The following UGT8 variants were observed in gnomAD, a reference collection of about 807,000 sequenced individuals.
The protein encoded by UGT8 is UDP glycosyltransferase 8.
UGT8 carries 12 observed loss-of-function variants against 40.5 expected under a neutral mutation model. The observed-to-expected ratio is 0.30, with a 90% CI of 0.19 to 0.48. UGT8 has a LOEUF of 0.48. Ranked by LOEUF, UGT8 falls within the 20% of genes least tolerant of loss-of-function variation. UGT8 has a pLI of 0.99. For missense variants in UGT8, 513 were observed against 648.7 expected (o/e 0.79, Z 2.27); for synonymous variants, 224 against 240.4 (o/e 0.93, Z 0.63).
chr4:114,672,129 C>T (rs1735329077), intron 5 of UGT8, among the ~76,000 whole-genome samples: 1 of 152,222 alleles, frequency 6.6e-6, no homozygotes, highest in Non-Finnish European at 1.5e-5. Flanking sequence ...GATATCATCT[C>T]ATGCCAGTCA....
In UGT8 at chr4:114,676,140, CTTGGGTGACAAAA is replaced by C; in HGVS notation, c.1481_1493del (p.Trp494LeufsTer43). ...GCTGCCTTGTTATACTTTCTCTTGTCTTGGGTGACAAAATTTATCTACAGAAAAATCAAAAGTC... is the reference window on the plus strand; with the variant it reads ...GCTGCCTTGTTATACTTTCTCTTGTCTTTATCTACAGAAAAATCAAAAGTC... On this transcript the variant is annotated frameshift_variant, in exon 6 of 6. Transcript: ENST00000310836. LOFTEE classifies it high-confidence loss of function. 1.9e-6 allele frequency: 3 copies of C among 1,614,084 alleles called. No homozygotes were observed. Among genetic ancestry groups the C allele is most frequent in the Non-Finnish European group, 2.5e-6 (3 of 1,180,028 alleles).
intron 2 of UGT8, among the ~76,000 whole-genome samples, chr4:114,642,323 T>G (rs1345480984): frequency 6.6e-6 from 1 of 152,116 alleles, no homozygotes; most frequent in East Asian, 1.9e-4. Flanking sequence ...GCAGTTTAAA[T>G]GGGATAATAA....
intron 2 of UGT8, among the ~76,000 whole-genome samples, chr4:114,641,783 G>A (rs951803836): frequency 4.6e-5 from 7 of 152,182 alleles, no homozygotes; most frequent in African/African-American, 1.7e-4. Context: ...AAACAAACTT[G>A]AATAAATTAT....
intron 1 of UGT8, among the ~76,000 whole-genome samples, chr4:114,611,403 C>CATATATATATAT (rs60533468): frequency 9.4e-5 from 10 of 106,240 alleles, no homozygotes; most frequent in Non-Finnish European, 1.2e-4. Flanking sequence ...CATATATATC[C>CATATATATATAT]ATATATATAT....
chr4:114,615,458 C>T (rs995561313), intron 1 of UGT8, among the ~76,000 whole-genome samples: 2 of 152,078 alleles, frequency 1.3e-5, no homozygotes, highest in African/African-American at 2.4e-5. Context: ...AAACTTCCCC[C>T]CTCCCCACCC....
Position 114,616,296 on chromosome 4 carries a change from G to C in UGT8, c.-2-6583G>C, listed in dbSNP as rs999420821. Among the ~76,000 whole-genome samples, 7 of 152,352 alleles carry C rather than the reference G, an allele frequency of 4.6e-5. No individual in the cohort carries two copies. In the East Asian group the frequency reaches 1.3e-3, roughly 29 times the overall value. On this transcript the variant is annotated intron_variant, in intron 1 of 5. Transcript: ENST00000310836. The stretch of plus-strand genomic sequence containing the variant: ...TTGTTTACCTACTCAAGCCTCGGCA[G>C]TGGCGGGCGCCCCTCCCCTAGCCTC...
intron 2 of UGT8, chr4:114,663,664 T>C (rs1188763276): frequency 1.0e-6 from 1 of 984,172 alleles, no homozygotes; most frequent in East Asian, 1.1e-4. Flanking sequence ...TGTTTGTGTC[T>C]GCATACAAAT....
At chr4:114,664,165 T>C in intron 3 of UGT8, 28 bp downstream of exon 3, 1 of 1,609,798 alleles carries the variant, frequency 6.2e-7, no homozygotes, top group Non-Finnish European at 8.5e-7. Context: ...ATTGTTTCTT[T>C]GCTATTGACA....
chr4:114,641,519 C>T lies in UGT8; in HGVS notation c.822+17817C>T, dbSNP rs535968139. ...ACGTTAGTTTTTTAAAAAACTGTGG[C>T]GTCTGTAAACCCTAATGGATGCTGG... On this transcript the variant is annotated intron_variant, in intron 2 of 5. Coordinates refer to ENST00000310836, the MANE Select transcript of UGT8 (RefSeq NM_001128174.3). 3.9e-5 allele frequency among the ~76,000 whole-genome samples: 6 copies of T among 152,196 alleles called. No individual in the cohort carries two copies. In the East Asian group the frequency reaches 7.7e-4, roughly 20 times the overall value.
chr4:114,671,933 G>A (rs1735313738), intron 5 of UGT8, among the ~76,000 whole-genome samples: 2 of 152,104 alleles, frequency 1.3e-5, no homozygotes, highest in South Asian at 4.1e-4. Context: ...ATCTGACAAA[G>A]GTCTAATATC....
intron 5 of UGT8, among the ~76,000 whole-genome samples, chr4:114,673,088 C>T (rs1280209782): frequency 6.6e-6 from 1 of 152,062 alleles, no homozygotes; most frequent in Admixed American, 6.5e-5. Context: ...CATGTGAGCC[C>T]CTTACAAGGT....
intron 2 of UGT8, among the ~76,000 whole-genome samples, chr4:114,663,518 GTAAGGATGGTAT>G (rs2126132091): frequency 6.6e-6 from 1 of 152,068 alleles, no homozygotes; most frequent in South Asian, 2.1e-4. Flanking sequence ...ACAAAATGAA[GTAAGGATGGTAT>G]TTCTTAAAAT....
rs367735324 is a variant in UGT8 at position 114,670,183 on chromosome 4, C to T, written c.1262+1879C>T. On this transcript the variant is annotated intron_variant, in intron 5 of 5. Coordinates refer to ENST00000310836, the MANE Select transcript of UGT8 (RefSeq NM_001128174.3). ...AATCTTCAATAAAATACTGGCAAACCGAATCCAGCAGCATGAGGCGGGTGG... is the reference window on the plus strand; with the variant it reads ...AATCTTCAATAAAATACTGGCAAACTGAATCCAGCAGCATGAGGCGGGTGG... Among the ~76,000 whole-genome samples the T allele has an allele frequency of 3.9e-4, 59 of 151,928 alleles. 1 individual carries two copies. In the South Asian group the frequency reaches 0.01, roughly 27 times the overall value.
In UGT8 at chr4:114,598,947, A is replaced by G. The variant is rs7442067; in HGVS notation, c.-30A>G. Reference sequence around the variant, plus strand: ...CAATTACGCGGCAGACACACACTCAAACTCGCGCGGGGCAGCCAAGAGACG... The same window carrying G: ...CAATTACGCGGCAGACACACACTCAGACTCGCGCGGGGCAGCCAAGAGACG... On this transcript the variant is annotated 5_prime_UTR_variant, in exon 1 of 6. Coordinates refer to ENST00000310836, the MANE Select transcript of UGT8 (RefSeq NM_001128174.3). 0.88 allele frequency: 133,809 copies of G among 151,900 alleles called. 60,651 individuals are homozygous for G. Among genetic ancestry groups the G allele is most frequent in the East Asian group, 1 (5,114 of 5,114 alleles). The allele number at this position is 151,900 out of a possible 1,614,324, so 9.4% of individuals were successfully genotyped here.
chr4:114,618,478 C>T (rs1731575306), intron 1 of UGT8, among the ~76,000 whole-genome samples: 1 of 152,176 alleles, frequency 6.6e-6, no homozygotes, highest in South Asian at 2.1e-4. Context: ...ATGCCTCATA[C>T]CACTTTTCAG....
intron 5 of UGT8, among the ~76,000 whole-genome samples, chr4:114,674,372 A>G (rs185432385): frequency 2.7e-4 from 41 of 152,122 alleles, no homozygotes; most frequent in Admixed American, 2.3e-3. Context: ...CATTTAATCC[A>G]CACTTTTACC....
In UGT8 at chr4:114,676,075, G is replaced by C. The variant is rs1308916553; in HGVS notation, c.1413G>C (p.Gln471His). 1 of 1,614,196 alleles carries C rather than the reference G, an allele frequency of 6.2e-7. No homozygotes were observed. The highest frequency in any genetic ancestry group is 8.5e-7 in the Non-Finnish European group (1 of 1,180,040). Residue 471 changes from glutamine to histidine, a missense_variant, in exon 6 of 6, where the codon CAG becomes CAC. Physicochemically the swap from Gln to His is conservative, Grantham distance 24. Coordinates refer to ENST00000310836, the MANE Select transcript of UGT8 (RefSeq NM_001128174.3). Reference protein sequence around the residue: ...RAAVHQISFCQYFLLDIAFVL... With the variant: ...RAAVHQISFCHYFLLDIAFVL... ...CTGTCCATCAGATCTCCTTTTGTCA[G>C]TATTTTTTACTGGATATTGCCTTTG... is the stretch of plus-strand genomic sequence containing the variant.
intron 4 of UGT8, among the ~76,000 whole-genome samples, chr4:114,666,551 A>G (rs1317930730): frequency 6.6e-6 from 1 of 152,026 alleles, no homozygotes; most frequent in Non-Finnish European, 1.5e-5. Context: ...GTATTTTTTT[A>G]TTTTTAAATC....
intron 5 of UGT8, among the ~76,000 whole-genome samples, chr4:114,671,039 G>A (rs1443818612): frequency 9.9e-5 from 15 of 152,174 alleles, no homozygotes; most frequent in African/African-American, 2.9e-4. Flanking sequence ...GAGCCAAATC[G>A]TGAATGAAGT....
Sources: allele counts gnomAD v4.1 joint callset (sites outside exome capture counted in the v4.1 genomes callset), GRCh38; gene constraint gnomAD v4.1.1; transcripts MANE v1.5; gene names NCBI Gene and HGNC (gene_info 2026-07-23, HGNC 2026-07-21).